Variants in IL1RAPL1 observed in about 807,000 individuals in gnomAD.
IL1RAPL1 encodes the protein interleukin-1 receptor accessory protein-like 1.
A neutral mutation model predicts 48.4 loss-of-function variants in IL1RAPL1; 3 were observed. The ratio of observed to expected loss-of-function variants is 0.06; its 90% CI spans 0.03 to 0.16. The LOEUF is 0.16. IL1RAPL1 is among the 10% of genes least tolerant of loss of function. The probability of loss-of-function intolerance (pLI) is 1.00; values close to 1 mark genes in which losing one functional copy is unlikely to be tolerated. For missense variants in IL1RAPL1, 349 were observed against 530.6 expected (o/e 0.66, Z 3.36); for synonymous variants, 185 against 187.7 (o/e 0.99, Z 0.12).
chrX:29,506,426 T>TCCTC (rs1569326393), intron 5 of IL1RAPL1, among the ~76,000 whole-genome samples: 13 of 84,157 alleles, frequency 1.5e-4, no homozygotes, highest in Middle Eastern at 6.6e-3. Context: ...TTCTTCTTCT[T>TCCTC]CTCCTTCTCC....
chrX:29,575,302 A>G (rs756704344), intron 5 of IL1RAPL1, among the ~76,000 whole-genome samples: 3 of 111,942 alleles, frequency 2.7e-5, no homozygotes, highest in African/African-American at 9.8e-5. Context: ...AAAGTCCCCA[A>G]AAGTCTCCAA....
At chrX:28,898,923 G>A (rs1368707843) in intron 2 of IL1RAPL1, among the ~76,000 whole-genome samples, 1 of 111,216 alleles carries the variant, frequency 9.0e-6, no homozygotes, top group East Asian at 2.8e-4. Flanking sequence ...CAGAGTAGCT[G>A]GGACTATAGG....
chrX:29,613,308 T>C (rs1924151778), intron 5 of IL1RAPL1, among the ~76,000 whole-genome samples: 1 of 111,988 alleles, frequency 8.9e-6, no homozygotes, highest in African/African-American at 3.2e-5. Flanking sequence ...ACTAAGTCTT[T>C]AAATTCGGGT....
intron 5 of IL1RAPL1, among the ~76,000 whole-genome samples, chrX:29,553,859 A>G (rs781382952): frequency 1.8e-5 from 2 of 110,502 alleles, no homozygotes; most frequent in East Asian, 2.8e-4. Context: ...ACTAATCCAC[A>G]TTCAGTTTCC....
chrX:29,139,453 A>G (rs1367314092), intron 2 of IL1RAPL1, among the ~76,000 whole-genome samples: 1 of 111,563 alleles, frequency 9.0e-6, no homozygotes, highest in African/African-American at 3.3e-5. Flanking sequence ...TGACTTTATC[A>G]TACAATTTTA....
chrX:29,889,987 T>G (rs187668570), intron 6 of IL1RAPL1, among the ~76,000 whole-genome samples: 132 of 111,282 alleles, frequency 1.2e-3, no homozygotes, highest in Non-Finnish European at 1.9e-3. Context: ...TTACATTATA[T>G]ATGTATCTAT....
intron 2 of IL1RAPL1, among the ~76,000 whole-genome samples, chrX:29,070,688 T>G (rs1300914625): frequency 9.0e-6 from 1 of 111,258 alleles, no homozygotes; most frequent in Non-Finnish European, 1.9e-5. Flanking sequence ...ATTTGATTAG[T>G]AAAGGGAAGT....
At chrX:28,811,954 A>T (rs1323808289) in intron 2 of IL1RAPL1, among the ~76,000 whole-genome samples, 1 of 111,269 alleles carries the variant, frequency 9.0e-6, no homozygotes, top group Non-Finnish European at 1.9e-5. Context: ...AGGTTAGACC[A>T]TCAGAGACAG....
At chrX:29,490,866 T>TACGTATATATATATATA (rs1935152765) in intron 5 of IL1RAPL1, among the ~76,000 whole-genome samples, 2 of 81,192 alleles carry the variant, frequency 2.5e-5, no homozygotes, top group African/African-American at 1.6e-4. Flanking sequence ...ATATATATAT[T>TACGTATATATATATATA]CTGAGTGTGT....
intron 5 of IL1RAPL1, among the ~76,000 whole-genome samples, chrX:29,460,463 C>T (rs771037510): frequency 4.5e-5 from 5 of 111,917 alleles, no homozygotes; most frequent in Admixed American, 1.9e-4. Context: ...CCCACTATGT[C>T]AAACAAACAT....
chrX:28,980,543 C>T (rs776101927), intron 2 of IL1RAPL1, among the ~76,000 whole-genome samples: 3 of 111,657 alleles, frequency 2.7e-5, no homozygotes, highest in Non-Finnish European at 3.8e-5. Flanking sequence ...TCTTACTCCC[C>T]GCACCTTCTG....
At chrX:29,077,122 G>A (rs751917184) in intron 2 of IL1RAPL1, among the ~76,000 whole-genome samples, 1 of 112,041 alleles carries the variant, frequency 8.9e-6, no homozygotes, top group African/African-American at 3.2e-5. Context: ...GTATGGCCTC[G>A]AAGGCCATGT....
intron 6 of IL1RAPL1, among the ~76,000 whole-genome samples, chrX:29,857,148 T>G (rs1367046310): frequency 9.0e-6 from 1 of 111,543 alleles, no homozygotes. Flanking sequence ...GCAATTAATT[T>G]TAATAAAATA....
intron 6 of IL1RAPL1, among the ~76,000 whole-genome samples, chrX:29,715,351 A>G (rs1482869266): frequency 9.0e-6 from 1 of 111,384 alleles, no homozygotes; most frequent in African/African-American, 3.3e-5. Context: ...GGGGCAAGAG[A>G]AGTTGTATTC....
intron 3 of IL1RAPL1, among the ~76,000 whole-genome samples, chrX:29,328,048 G>C (rs2147631075): frequency 8.9e-6 from 1 of 112,054 alleles, no homozygotes; most frequent in Admixed American, 9.5e-5. Flanking sequence ...TGCTTCATAA[G>C]TATTGATTTA....
At chrX:29,209,689 G>C (rs768266658) in intron 2 of IL1RAPL1, among the ~76,000 whole-genome samples, 1 of 112,235 alleles carries the variant, frequency 8.9e-6, no homozygotes, top group Non-Finnish European at 1.9e-5. Context: ...ATTACCAATA[G>C]CACTGTAATG....
intron 2 of IL1RAPL1, among the ~76,000 whole-genome samples, chrX:29,094,623 G>A (rs1157121604): frequency 2.0e-5 from 2 of 98,028 alleles, no homozygotes; most frequent in East Asian, 3.2e-4. Flanking sequence ...AAAATCAGCC[G>A]GGCAGGGCAT....
chrX:29,620,661 C>G (rs1344656806), intron 5 of IL1RAPL1, among the ~76,000 whole-genome samples: 2 of 111,899 alleles, frequency 1.8e-5, no homozygotes, highest in Non-Finnish European at 3.8e-5. Flanking sequence ...CAGCAGCTGT[C>G]AGTTGATGGG....
At chrX:29,567,843 G>A (rs1922459386) in intron 5 of IL1RAPL1, among the ~76,000 whole-genome samples, 1 of 111,034 alleles carries the variant, frequency 9.0e-6, no homozygotes, top group South Asian at 3.8e-4. Context: ...AGTTTTGTTT[G>A]GCAGACATCT....
Sources: gnomAD v4.1 joint callset for allele counts (sites outside exome capture counted in the v4.1 genomes callset) on GRCh38, gnomAD v4.1.1 for gene constraint, MANE v1.5 for transcripts, NCBI Gene and HGNC (gene_info 2026-07-23, HGNC 2026-07-21) for gene names.